ACBD6: variants seen among roughly 807,000 people sequenced by gnomAD.
ACBD6 encodes acyl-CoA-binding domain-containing protein 6.
Under a neutral mutation model 37.2 loss-of-function variants are expected in ACBD6, and 28 were observed. That is an observed-to-expected ratio of 0.75 (90% confidence interval 0.56 to 1.03). The LOEUF is 1.03. ACBD6 is among the 50% of genes least tolerant of loss of function. The probability of loss-of-function intolerance (pLI) is 0.00; values close to 1 mark genes in which losing one functional copy is unlikely to be tolerated. For synonymous variants in ACBD6, 113 were observed against 126.8 expected, an observed-to-expected ratio of 0.89 and a Z score of 0.73; for missense variants, 340 against 337.4, an observed-to-expected ratio of 1.01 and a Z score of -0.06.
chr1:180,498,762 G>A (rs550755944), intron 1 of ACBD6, among the ~76,000 whole-genome samples: 1 of 151,930 alleles, frequency 6.6e-6, no homozygotes, highest in East Asian at 1.9e-4. Context: ...GGAAGCTGAG[G>A]CAAGAGAATA....
chr1:180,305,999 C>CA (rs1312981806), intron 7 of ACBD6, among the ~76,000 whole-genome samples: 1 of 148,664 alleles, frequency 6.7e-6, no homozygotes, highest in East Asian at 2.0e-4. Context: ...ATCGCAAGGA[C>CA]AAAAAACCAA....
At chr1:180,494,262 A>G (rs1047096534) in intron 2 of ACBD6, among the ~76,000 whole-genome samples, 39 of 152,314 alleles carry the variant, frequency 2.6e-4, no homozygotes, top group African/African-American at 9.1e-4. Flanking sequence ...TGGTGGCTAT[A>G]AAATCTAAAT....
Position 180,328,844 on chromosome 1 carries a change from C to CTA in ACBD6, c.664-14124_664-14123dup, listed in dbSNP as rs1002924250. On this transcript the variant is annotated intron_variant, in intron 6 of 7. Coordinates refer to ENST00000367595, the MANE Select transcript of ACBD6 (RefSeq NM_032360.4). Reference sequence around the variant, plus strand: ...GCAAATGCCTTTTATGATTATTTTTCTATATATATATATAAGTTAAGCTTT... The same window carrying CTA: ...GCAAATGCCTTTTATGATTATTTTTCTATATATATATATATAAGTTAAGCTTT... Among the ~76,000 whole-genome samples the CTA allele has an allele frequency of 6.0e-4, 91 of 151,050 alleles. 1 individual carries two copies. The highest frequency in any genetic ancestry group is 2.0e-3 in the Admixed American group (31 of 15,154).
Position 180,356,779 on chromosome 1 carries a change from G to A in ACBD6, c.663+40737C>T, listed in dbSNP as rs559224442. On this transcript the variant is annotated intron_variant, in intron 6 of 7. Transcript: ENST00000367595. ...GTGGGAGGATGGCTTGAGCATGGGC[G>A]GCGGAGGTTGCAATGAGCTAAGATT... Among the ~76,000 whole-genome samples the A allele has an allele frequency of 2.8e-4, 42 of 151,424 alleles. No homozygotes were observed. In the South Asian group the frequency reaches 7.1e-3, roughly 26 times the overall value.
intron 7 of ACBD6, among the ~76,000 whole-genome samples, chr1:180,294,578 T>C (rs1424772657): frequency 6.6e-6 from 1 of 152,018 alleles, no homozygotes. Context: ...AATTTGTCCA[T>C]TTCATTTAAG....
chr1:180,455,320 A>G (rs1030024679), intron 3 of ACBD6, among the ~76,000 whole-genome samples: 4 of 151,974 alleles, frequency 2.6e-5, no homozygotes, highest in African/African-American at 9.7e-5. Context: ...GAGGTGAACA[A>G]TGAAAACACA....
intron 6 of ACBD6, among the ~76,000 whole-genome samples, chr1:180,316,902 C>G (rs2149292186): frequency 6.6e-6 from 1 of 152,168 alleles, no homozygotes; most frequent in South Asian, 2.1e-4. Context: ...ACAATCAAAA[C>G]AGAGTGAGAG....
exon 10 of ACBD6, chr1:180,275,119 CCA>C (rs1342874368): frequency 6.6e-6 from 1 of 152,360 alleles, no homozygotes; most frequent in East Asian, 1.9e-4. Context: ...ACTTTGATGG[CCA>C]GTTTGATATT....
intron 7 of ACBD6, among the ~76,000 whole-genome samples, chr1:180,314,033 A>G (rs1558245304): frequency 6.6e-6 from 1 of 152,138 alleles, no homozygotes; most frequent in Non-Finnish European, 1.5e-5. Flanking sequence ...TTTTTCTTCA[A>G]TTAGATCAAG....
At chr1:180,489,515 A>G (rs1651405646) in intron 3 of ACBD6, among the ~76,000 whole-genome samples, 1 of 151,338 alleles carries the variant, frequency 6.6e-6, no homozygotes, top group Non-Finnish European at 1.5e-5. Context: ...TTAATTTTTT[A>G]AAGTTTATTA....
rs573905671 is a variant in ACBD6 at position 180,437,229 on chromosome 1, T to C, written c.385-6967A>G. ...TTCTGTAAGCCACTCCAGAACTCAG[T>C]TGAACCCAAAGAGGGGGTCATGGGA... On this transcript the variant is annotated intron_variant, in intron 3 of 7. Transcript: ENST00000367595. Among the ~76,000 whole-genome samples the C allele has an allele frequency of 2.6e-3, 398 of 152,304 alleles. 2 individuals are homozygous for C. Among genetic ancestry groups the C allele is most frequent in the African/African-American group, 9.2e-3 (384 of 41,544 alleles).
chr1:180,457,286 C>A (rs1365376016), intron 3 of ACBD6, among the ~76,000 whole-genome samples: 2 of 152,114 alleles, frequency 1.3e-5, no homozygotes, highest in African/African-American at 4.8e-5. Flanking sequence ...CAGAGAGGGG[C>A]CACATCTGCT....
intron 9 of ACBD6, among the ~76,000 whole-genome samples, chr1:180,280,009 T>C (rs1649259097): frequency 2.0e-5 from 3 of 152,142 alleles, no homozygotes; most frequent in Non-Finnish European, 4.4e-5. Flanking sequence ...CTATTTAAAT[T>C]TAAATTAGTA....
At chr1:180,282,937 T>TA (rs1264814134) in intron 8 of ACBD6, among the ~76,000 whole-genome samples, 8 of 149,184 alleles carry the variant, frequency 5.4e-5, no homozygotes, top group Non-Finnish European at 1.2e-4. Flanking sequence ...TTTGGTGGAA[T>TA]AAAGCAGATT....
intron 6 of ACBD6, among the ~76,000 whole-genome samples, chr1:180,349,686 T>C (rs1652332049): frequency 6.6e-6 from 1 of 152,146 alleles, no homozygotes; most frequent in Admixed American, 6.5e-5. Flanking sequence ...TGGGCTTTGT[T>C]AGAGTCGTAT....
chr1:180,354,317 A>G (rs1308314729), intron 6 of ACBD6, among the ~76,000 whole-genome samples: 1 of 152,174 alleles, frequency 6.6e-6, no homozygotes, highest in East Asian at 1.9e-4. Context: ...CTGAAGCTAC[A>G]ATGTCAGTTT....
chr1:180,324,748 A>AT (rs1651193487), intron 6 of ACBD6, among the ~76,000 whole-genome samples: 1 of 152,180 alleles, frequency 6.6e-6, no homozygotes, highest in Non-Finnish European at 1.5e-5. Flanking sequence ...TGACTGAAGA[A>AT]TTCCCTTTAG....
rs1024539880 is a variant in ACBD6, at chr1:180,483,119, C to T, written c.384+9150G>A. Among the ~76,000 whole-genome samples the T allele has an allele frequency of 5.3e-5, 8 of 152,154 alleles. No individual in the cohort carries two copies. The East Asian group carries it at 9.6e-4, about 18-fold the overall frequency. Reference sequence around the variant, plus strand: ...CCTCATTTTCTATTTCTCCACCCCTCGTTCTCATATACATTCAGTCCTTAT... The same window carrying T: ...CCTCATTTTCTATTTCTCCACCCCTTGTTCTCATATACATTCAGTCCTTAT... On this transcript the variant is annotated intron_variant, in intron 3 of 7. Transcript: ENST00000367595.
intron 6 of ACBD6, among the ~76,000 whole-genome samples, chr1:180,396,197 T>C (rs1654253751): frequency 6.6e-6 from 1 of 152,022 alleles, no homozygotes; most frequent in Non-Finnish European, 1.5e-5. Flanking sequence ...TTGGGGGAGA[T>C]GAAAAAGTTC....
Sources: allele counts gnomAD v4.1 joint callset (sites outside exome capture counted in the v4.1 genomes callset), GRCh38; gene constraint gnomAD v4.1.1; transcripts MANE v1.5; gene names NCBI Gene and HGNC (gene_info 2026-07-23, HGNC 2026-07-21).